SGCD: variants seen among roughly 807,000 people sequenced by gnomAD.
SGCD encodes delta-sarcoglycan.
Under a neutral mutation model 36.6 loss-of-function variants are expected in SGCD, and 18 were observed. The ratio of observed to expected loss-of-function variants is 0.49; its 90% CI spans 0.34 to 0.73. The LOEUF is 0.73. Ranked by LOEUF, SGCD falls within the 30% of genes least tolerant of loss-of-function variation. The probability of loss-of-function intolerance (pLI) is 0.01; values close to 1 mark genes in which losing one functional copy is unlikely to be tolerated. For missense variants in SGCD, 387 were observed against 346.7 expected (o/e 1.12, Z -0.92); for synonymous variants, 133 against 130.6 (o/e 1.02, Z -0.12).
In SGCD at chr5:156,261,133, G is replaced by T. The variant is rs114092879; in HGVS notation, c.-43-68401G>T. Among the ~76,000 whole-genome samples, 1,035 of 152,104 alleles carry T rather than the reference G, an allele frequency of 6.8e-3. 5 individuals carry two copies. The highest frequency in any genetic ancestry group is 0.019 in the African/African-American group (787 of 41,548). On this transcript the variant is annotated intron_variant, in intron 3 of 9. Coordinates refer to the SGCD transcript ENST00000517913. ...GTCTTTTCTTTAATCTTTTGTAGTT[G>T]TGTTATTAACAAAGTTATACTGGTT...
chr5:155,919,542 C>A (rs1756827830), intron 1 of SGCD, among the ~76,000 whole-genome samples: 1 of 152,000 alleles, frequency 6.6e-6, no homozygotes, highest in African/African-American at 2.4e-5. Flanking sequence ...GTATTATAAG[C>A]CCTTTTGGAG....
the SGCD span, among the ~76,000 whole-genome samples, chr5:155,828,688 T>TA: frequency 1.5e-4 from 23 of 152,088 alleles, no homozygotes; most frequent in East Asian, 3.9e-3. Flanking sequence ...ATTTTTTTTT[T>TA]TATATTTTAT....
chr5:156,758,458 T>C (rs1363610028), intron 8 of SGCD, among the ~76,000 whole-genome samples: 2 of 152,154 alleles, frequency 1.3e-5, no homozygotes, highest in African/African-American at 4.8e-5. Context: ...AGTCTCTACC[T>C]GCTTCTATAC....
In SGCD at chr5:156,633,403, T is replaced by C. The variant is rs909526022; in HGVS notation, c.503-14061T>C. The stretch of plus-strand genomic sequence containing the variant: ...TTATTCCATGGTGGTCTTTTCTTGA[T>C]GAAGAGATTGATGGAATCTGACTCA... On this transcript the variant is annotated intron_variant, in intron 6 of 8. Coordinates refer to ENST00000337851, the MANE Select transcript of SGCD (RefSeq NM_000337.6). 3.3e-5 allele frequency among the ~76,000 whole-genome samples: 5 copies of C among 152,272 alleles called. No homozygotes were observed. The South Asian group carries it at 8.3e-4, about 25-fold the overall frequency.
chr5:155,891,558 CTTTTTTTT>C (rs372399423), intron 1 of SGCD, among the ~76,000 whole-genome samples: 3 of 60,776 alleles, frequency 4.9e-5, no homozygotes, highest in South Asian at 6.6e-4. Context: ...AATAAATACT[CTTTTTTTT>C]TTTTTTTTTT....
At chr5:156,284,730 A>G (rs1722218741) in intron 3 of SGCD, among the ~76,000 whole-genome samples, 1 of 152,208 alleles carries the variant, frequency 6.6e-6, no homozygotes, top group African/African-American at 2.4e-5. Flanking sequence ...TGAATGGGCA[A>G]AAACTGGAAG....
chr5:155,887,564 C>T (rs1756034436), intron 1 of SGCD, among the ~76,000 whole-genome samples: 1 of 152,182 alleles, frequency 6.6e-6, no homozygotes, highest in African/African-American at 2.4e-5. Flanking sequence ...ACCCAAGCTG[C>T]TTAAGCTTTC....
At chr5:156,607,652 TTGGGC>T (rs1424555319) in intron 6 of SGCD, among the ~76,000 whole-genome samples, 1 of 152,186 alleles carries the variant, frequency 6.6e-6, no homozygotes, top group Non-Finnish European at 1.5e-5. Context: ...TCTGGTAGAA[TTGGGC>T]TGTGAATCCA....
At chr5:156,047,798 T>C (rs1260474375) in intron 1 of SGCD, among the ~76,000 whole-genome samples, 1 of 152,144 alleles carries the variant, frequency 6.6e-6, no homozygotes, top group African/African-American at 2.4e-5. Context: ...AAGATTTATT[T>C]TGAATTTCAA....
intron 1 of SGCD, among the ~76,000 whole-genome samples, chr5:155,933,561 A>G (rs1757138945): frequency 6.6e-6 from 1 of 152,234 alleles, no homozygotes. Flanking sequence ...TGAGTGAATG[A>G]ATCTCATTCT....
intron 4 of SGCD, among the ~76,000 whole-genome samples, chr5:156,509,154 A>C (rs958637076): frequency 6.6e-6 from 1 of 152,188 alleles, no homozygotes. Context: ...AGCTGAGTAC[A>C]GTGGCTCACA....
intron 1 of SGCD, among the ~76,000 whole-genome samples, chr5:156,078,549 ATATATT>A (rs1760858195): frequency 7.3e-6 from 1 of 136,382 alleles, no homozygotes; most frequent in African/African-American, 2.9e-5. Flanking sequence ...TTATTTATAT[ATATATT>A]TATATTTATA....
upstream of SGCD, among the ~76,000 whole-genome samples, chr5:156,323,627 T>C (rs576888357): frequency 6.6e-6 from 1 of 152,342 alleles, no homozygotes; most frequent in South Asian, 2.1e-4. Flanking sequence ...AGTTTTCTGG[T>C]TCATATGATC....
chr5:156,337,297 T>G (rs908897820), intron 2 of SGCD, among the ~76,000 whole-genome samples: 3 of 152,232 alleles, frequency 2.0e-5, no homozygotes, highest in African/African-American at 7.2e-5. Context: ...ATGTTTACTT[T>G]TAAATTCACC....
intron 3 of SGCD, among the ~76,000 whole-genome samples, chr5:156,485,195 G>A (rs1755603315): frequency 6.6e-6 from 1 of 152,102 alleles, no homozygotes; most frequent in East Asian, 1.9e-4. Flanking sequence ...CACTCATTTT[G>A]TGTATCTCTT....
intron 1 of SGCD, among the ~76,000 whole-genome samples, chr5:155,924,790 CA>C (rs1380978388): frequency 6.6e-6 from 1 of 152,066 alleles, no homozygotes; most frequent in Non-Finnish European, 1.5e-5. Context: ...AAACATAAAT[CA>C]GTTGTACAGG....
chr5:156,301,439 C>T (rs1393076775), intron 3 of SGCD, among the ~76,000 whole-genome samples: 2 of 151,974 alleles, frequency 1.3e-5, no homozygotes, highest in Admixed American at 6.5e-5. Context: ...TGTTGTTTCT[C>T]TTTATATCTT....
Position 156,090,575 on chromosome 5 carries a change from C to T in SGCD, c.-281-27303C>T, listed in dbSNP as rs187613063. Among the ~76,000 whole-genome samples, 276 of 152,288 alleles carry T rather than the reference C, an allele frequency of 1.8e-3. 2 individuals carry two copies. Among genetic ancestry groups the T allele is most frequent in the African/African-American group, 6.4e-3 (268 of 41,564 alleles). The stretch of plus-strand genomic sequence containing the variant: ...TAGAATTACTGATAAAGGTCCATGT[C>T]CCACTGGGCACACATTGTCTTGATA... On this transcript the variant is annotated intron_variant, in intron 1 of 9. Coordinates refer to the SGCD transcript ENST00000517913.
chr5:156,535,965 G>A (rs983287554), intron 4 of SGCD, among the ~76,000 whole-genome samples: 1 of 151,972 alleles, frequency 6.6e-6, no homozygotes, highest in Admixed American at 6.6e-5. Context: ...GTGAGTTGAC[G>A]GATAATTTTT....
Sources: allele counts gnomAD v4.1 joint callset (sites outside exome capture counted in the v4.1 genomes callset), GRCh38; gene constraint gnomAD v4.1.1; transcripts MANE v1.5; gene names NCBI Gene and HGNC (gene_info 2026-07-23, HGNC 2026-07-21).